Variants in CFAP20DC observed in about 807,000 individuals in gnomAD.
CFAP20DC encodes CFAP20 domain containing.
A neutral mutation model predicts 101.7 loss-of-function variants in CFAP20DC; 84 were observed. That is an observed-to-expected ratio of 0.83 (90% CI 0.69 to 0.99). The LOEUF is 0.99. Among genes scored for constraint, CFAP20DC ranks in the 50% least tolerant of loss-of-function variants. The pLI is 0.00. For missense variants in CFAP20DC, 1,007 were observed against 970.3 expected, an observed-to-expected ratio of 1.04 and a Z score of -0.50; for synonymous variants, 359 against 351.2, an observed-to-expected ratio of 1.02 and a Z score of -0.25.
At chr3:58,933,064 A>G (rs2086950784) in intron 5 of CFAP20DC, among the ~76,000 whole-genome samples, 1 of 152,122 alleles carries the variant, frequency 6.6e-6, no homozygotes, top group South Asian at 2.1e-4. Flanking sequence ...TCAAAATAAA[A>G]GGATGGAGGA....
chr3:58,983,783 G>T (rs2092664292), intron 4 of CFAP20DC, among the ~76,000 whole-genome samples: 1 of 152,126 alleles, frequency 6.6e-6, no homozygotes, highest in Admixed American at 6.5e-5. Context: ...AACCCCATGG[G>T]ATATGTCCTT....
At position 58,814,466 on chromosome 3, in the gene CFAP20DC, T is replaced by C. The variant is rs375770321; in HGVS notation, c.2176-8010A>G. ...TGGCACAAGACAGGGATGCCCTCTC[T>C]CACCACTCCTATTCAACATAGTGTT... is the stretch of plus-strand genomic sequence containing the variant. On this transcript the variant is annotated intron_variant, in intron 14 of 16. Transcript: ENST00000482387. 1.1e-4 allele frequency among the ~76,000 whole-genome samples: 16 copies of C among 151,390 alleles called. No individual in the cohort carries two copies. In the East Asian group the frequency reaches 1.6e-3, roughly 15 times the overall value.
intron 14 of CFAP20DC, among the ~76,000 whole-genome samples, chr3:58,815,069 A>T (rs1166485445): frequency 1.3e-5 from 2 of 151,620 alleles, no homozygotes; most frequent in African/African-American, 4.9e-5. Context: ...AAGCCAAAAG[A>T]ACAAAGCTGG....
chr3:58,879,965 T>C (rs1576102799), intron 7 of CFAP20DC, among the ~76,000 whole-genome samples: 1 of 151,914 alleles, frequency 6.6e-6, no homozygotes, highest in Non-Finnish European at 1.5e-5. Flanking sequence ...TCTTATTATA[T>C]ATTTTAATTA....
chr3:58,830,114 G>A (rs1352014493), intron 14 of CFAP20DC, among the ~76,000 whole-genome samples: 1 of 152,140 alleles, frequency 6.6e-6, no homozygotes, highest in African/African-American at 2.4e-5. Context: ...GCTGCCAGAG[G>A]TGTTATGTAT....
Position 59,001,425 on chromosome 3 carries a change from C to T in CFAP20DC, c.278+38132G>A, listed in dbSNP as rs2093307606. 6.6e-6 allele frequency among the ~76,000 whole-genome samples: 1 copy of T among 152,070 alleles called. No homozygotes were observed. Among genetic ancestry groups the T allele is most frequent in the Non-Finnish European group, 1.5e-5 (1 of 67,994 alleles). ...CCCTCTCTCCTTCTCTCTCTCCTCT[C>T]TTAAGTTTCACACTTATTGTCCAGG... is the stretch of plus-strand genomic sequence containing the variant. On this transcript the variant is annotated intron_variant, in intron 4 of 16. Transcript: ENST00000482387. The surrounding 1 kb of genome is among the most constrained non-coding windows in gnomAD (Gnocchi z 4.5).
chr3:58,806,107 T>A (rs1006015060), intron 15 of CFAP20DC, among the ~76,000 whole-genome samples: 1 of 152,220 alleles, frequency 6.6e-6, no homozygotes, highest in Admixed American at 6.5e-5. Flanking sequence ...GAATTTTTCA[T>A]TTGAATCTTT....
At chr3:58,759,938 C>G (rs554418021) in intron 15 of CFAP20DC, among the ~76,000 whole-genome samples, 1 of 152,214 alleles carries the variant, frequency 6.6e-6, no homozygotes, top group Non-Finnish European at 1.5e-5. Flanking sequence ...GTTACTGTAG[C>G]CTTGTAGTAT....
Position 58,864,204 on chromosome 3 carries a change from G to T in CFAP20DC, c.1259-312C>A, listed in dbSNP as rs879290578. 6.6e-6 allele frequency among the ~76,000 whole-genome samples: 1 copy of T among 152,048 alleles called. No homozygotes were observed. Among genetic ancestry groups the T allele is most frequent in the Non-Finnish European group, 1.5e-5 (1 of 68,008 alleles). On this transcript the variant is annotated intron_variant, in intron 11 of 16. Coordinates refer to ENST00000482387, the MANE Select transcript of CFAP20DC (RefSeq NM_001394063.1). The surrounding 1 kb of genome is among the most constrained non-coding windows in gnomAD (Gnocchi z 4.7). ...GAACTCCTGACTTCATGATCTGCCC[G>T]CCTCGGCCTCCCAAAAAGCTGGGAT...
At position 58,861,491 on chromosome 3, in the gene CFAP20DC, A is replaced by C; in HGVS notation, c.1593+2067T>G. On this transcript the variant is annotated intron_variant, in intron 12 of 16. Coordinates refer to ENST00000482387, the MANE Select transcript of CFAP20DC (RefSeq NM_001394063.1). This position sits in a 1 kb window ranked among gnomAD's most constrained non-coding sequence, Gnocchi z 4.0. ...AATTTCCCATTGATTTATACAATTA[A>C]TAAATAGAAGAAGCTATCCTACAGG... is the stretch of plus-strand genomic sequence containing the variant. 2.1e-5 allele frequency: 19 copies of C among 926,278 alleles called. No individual in the cohort carries two copies. The highest frequency in any genetic ancestry group is 2.4e-5 in the Non-Finnish European group (19 of 776,162). 57.4% of individuals were successfully genotyped at this position (926,278 alleles called of 1,614,324 possible). A position where few individuals can be genotyped will look rare whatever the true frequency, so the allele number is the denominator to read the frequency against.
rs373486511 is a variant in CFAP20DC, at chr3:58,753,781, A to G, written c.2320T>C (p.Leu774=). Residue 774 remains leucine (L), a synonymous_variant, in exon 16 of 17, where the codon TTG becomes CTG. Coordinates refer to ENST00000482387, the MANE Select transcript of CFAP20DC (RefSeq NM_001394063.1). Reference sequence around the variant, plus strand: ...TTCATAGTCCCACCTTGAACACTCAAACTTTCACAGGAATCTGGACGCTGC... The same window carrying G: ...TTCATAGTCCCACCTTGAACACTCAGACTTTCACAGGAATCTGGACGCTGC... ...AEQRPDSCES[L]SVQGEEDLSV... is the part of the protein sequence containing the mutation. 3 of 1,611,140 alleles carry G rather than the reference A, an allele frequency of 1.9e-6. No homozygotes were observed. Among genetic ancestry groups the G allele is most frequent in the Admixed American group, 3.3e-5 (2 of 59,826 alleles).
At chr3:58,805,167 T>G (rs1295366540) in intron 15 of CFAP20DC, among the ~76,000 whole-genome samples, 1 of 152,212 alleles carries the variant, frequency 6.6e-6, no homozygotes, top group African/African-American at 2.4e-5. Context: ...AAAAGGAAGT[T>G]CAGACGTAGT....
intron 4 of CFAP20DC, among the ~76,000 whole-genome samples, chr3:58,993,221 T>C (rs533981776): frequency 6.6e-6 from 1 of 152,208 alleles, no homozygotes; most frequent in Non-Finnish European, 1.5e-5. Flanking sequence ...CTTCCTAAAA[T>C]GCAGTACATA....
intron 3 of CFAP20DC, among the ~76,000 whole-genome samples, chr3:58,731,876 C>T (rs1379330917): frequency 6.6e-6 from 1 of 152,130 alleles, no homozygotes; most frequent in African/African-American, 2.4e-5. Context: ...CATTGTTGGT[C>T]AATAGTGCCA....
chr3:58,889,837 C>A (rs1475893538), intron 6 of CFAP20DC, among the ~76,000 whole-genome samples: 2 of 129,574 alleles, frequency 1.5e-5, no homozygotes, highest in East Asian at 4.2e-4. Flanking sequence ...TGAGTGGACA[C>A]AGCACATGTT....
chr3:58,782,407 A>G (rs2071915927), intron 15 of CFAP20DC, among the ~76,000 whole-genome samples: 2 of 152,112 alleles, frequency 1.3e-5, no homozygotes, highest in Admixed American at 1.3e-4. Flanking sequence ...ACTCCTGTTC[A>G]ACGTAATACT....
chr3:58,877,704 C>T, intron 7 of CFAP20DC, among the ~76,000 whole-genome samples: 1 of 152,152 alleles, frequency 6.6e-6, no homozygotes. Context: ...AGGTTCTTCC[C>T]ATATTTTCCA....
intron 3 of CFAP20DC, among the ~76,000 whole-genome samples, chr3:58,735,275 G>A (rs2067725834): frequency 6.6e-6 from 1 of 152,174 alleles, no homozygotes; most frequent in Non-Finnish European, 1.5e-5. Context: ...TGACACCTGG[G>A]AACGAAAATG....
chr3:58,843,682 G>A (rs933995301), intron 13 of CFAP20DC, among the ~76,000 whole-genome samples: 55 of 150,724 alleles, frequency 3.6e-4, no homozygotes, highest in East Asian at 1.2e-3. Flanking sequence ...GATACTCCTC[G>A]AGAAGAGCAA....
Sources: allele counts gnomAD v4.1 joint callset (sites outside exome capture counted in the v4.1 genomes callset), GRCh38; gene constraint gnomAD v4.1.1; non-coding constraint Gnocchi (gnomAD v3.1); transcripts MANE v1.5; gene names NCBI Gene and HGNC (gene_info 2026-07-23, HGNC 2026-07-21).